The following CACNA2D3 variants were observed in gnomAD, a reference collection of about 807,000 sequenced individuals.
CACNA2D3 encodes the protein calcium voltage-gated channel auxiliary subunit alpha2delta 3.
Under a neutral mutation model 160.6 loss-of-function variants are expected in CACNA2D3, and 60 were observed. That is an observed-to-expected ratio of 0.37 (90% CI 0.30 to 0.46). The LOEUF is 0.46. CACNA2D3 is among the 20% of genes least tolerant of loss of function. The pLI is 1.00. For missense variants in CACNA2D3, 1,205 were observed against 1,365.0 expected (o/e 0.88, Z 1.85); for synonymous variants, 558 against 492.9 (o/e 1.13, Z -1.75).
At chr3:55,049,181 C>T (rs9682376) in intron 35 of CACNA2D3, among the ~76,000 whole-genome samples, 5,327 of 149,532 alleles carry the variant, frequency 0.036, 286 homozygotes, top group African/African-American at 0.11. Context: ...TCTAGTTCTT[C>T]TAATTGTGAT....
At position 55,072,989 on chromosome 3, in the gene CACNA2D3, A is replaced by ACTAT. The variant is rs539247538; in HGVS notation, c.2988-453_2988-450dup. Reference sequence around the variant, plus strand: ...GTATAAGGAAGGCTCTAAGAAGTTCACTATCTCTTTTGCCATTGGTATGAC... The same window carrying ACTAT: ...GTATAAGGAAGGCTCTAAGAAGTTCACTATCTATCTCTTTTGCCATTGGTATGAC... On this transcript the variant is annotated intron_variant, in intron 35 of 37. Transcript: ENST00000474759. 2.4e-3 allele frequency among the ~76,000 whole-genome samples: 373 copies of ACTAT among 152,344 alleles called. 3 individuals carry two copies. Among genetic ancestry groups the ACTAT allele is most frequent in the Middle Eastern group, 0.02 (6 of 294 alleles).
At chr3:54,521,437 A>G (rs1701644912) in intron 5 of CACNA2D3, among the ~76,000 whole-genome samples, 1 of 95,442 alleles carries the variant, frequency 1.0e-5, no homozygotes, top group Non-Finnish European at 2.4e-5. Context: ...TGTATTCCAG[A>G]TACAAGTCCC....
chr3:54,826,162 C>T (rs1315715492), intron 14 of CACNA2D3, among the ~76,000 whole-genome samples: 1 of 152,132 alleles, frequency 6.6e-6, no homozygotes, highest in Non-Finnish European at 1.5e-5. Context: ...GTTCAGCTGC[C>T]TGATGCTTTT....
intron 5 of CACNA2D3, among the ~76,000 whole-genome samples, chr3:54,504,361 G>A (rs958523955): frequency 6.6e-6 from 1 of 152,130 alleles, no homozygotes; most frequent in Non-Finnish European, 1.5e-5. Context: ...TGGTCAGACC[G>A]TGTTCTACTT....
intron 2 of CACNA2D3, among the ~76,000 whole-genome samples, chr3:54,222,239 G>A (rs187526188): frequency 3.3e-5 from 5 of 152,340 alleles, no homozygotes; most frequent in African/African-American, 4.8e-5. Flanking sequence ...AGCTGATGGT[G>A]TAGTTCCAGT....
intron 31 of CACNA2D3, among the ~76,000 whole-genome samples, chr3:55,004,444 C>G (rs1703045607): frequency 6.6e-6 from 1 of 152,042 alleles, no homozygotes; most frequent in African/African-American, 2.4e-5. Flanking sequence ...ACAGCACATT[C>G]CCTTTGGAAT....
intron 31 of CACNA2D3, among the ~76,000 whole-genome samples, chr3:54,999,284 T>C (rs1161771724): frequency 1.3e-5 from 2 of 152,166 alleles, no homozygotes; most frequent in Non-Finnish European, 2.9e-5. Context: ...TCTACTTTCC[T>C]GGCTTTCTGA....
At chr3:54,616,218 G>A (rs1036396312) in intron 9 of CACNA2D3, among the ~76,000 whole-genome samples, 1 of 152,228 alleles carries the variant, frequency 6.6e-6, no homozygotes, top group Non-Finnish European at 1.5e-5. Flanking sequence ...TAGTGAGGTT[G>A]CATTCAGGAT....
chr3:54,474,807 TGAG>T (rs1700800350), intron 4 of CACNA2D3, among the ~76,000 whole-genome samples: 2 of 152,118 alleles, frequency 1.3e-5, no homozygotes, highest in Admixed American at 6.6e-5. Flanking sequence ...CAAGTGAAGT[TGAG>T]TTCTCGGATA....
At chr3:55,067,928 G>A (rs1704701636) in intron 35 of CACNA2D3, among the ~76,000 whole-genome samples, 1 of 152,176 alleles carries the variant, frequency 6.6e-6, no homozygotes, top group African/African-American at 2.4e-5. Context: ...TAAAGCATAT[G>A]GCTAGAAGCA....
chr3:54,956,068 CCTT>C (rs1019141736), intron 27 of CACNA2D3, among the ~76,000 whole-genome samples: 4 of 152,326 alleles, frequency 2.6e-5, no homozygotes, highest in African/African-American at 9.6e-5. Context: ...TTCCCTGTCT[CCTT>C]CTCCCTCCCC....
intron 2 of CACNA2D3, among the ~76,000 whole-genome samples, chr3:54,247,307 C>T (rs2107417199): frequency 1.1e-5 from 1 of 91,636 alleles, no homozygotes; most frequent in East Asian, 2.7e-4. Context: ...GAGCACGACT[C>T]CATCTCAAAC....
chr3:54,404,904 T>A (rs1260049357), intron 4 of CACNA2D3, among the ~76,000 whole-genome samples: 6 of 151,942 alleles, frequency 3.9e-5, no homozygotes. Flanking sequence ...TACTTAAGAA[T>A]AAATTTTACC....
chr3:54,151,996 C>T (rs574095936), intron 2 of CACNA2D3, among the ~76,000 whole-genome samples: 2 of 152,344 alleles, frequency 1.3e-5, no homozygotes, highest in South Asian at 2.1e-4. Context: ...TTCTATGAAG[C>T]CTTTGCTAAG....
At chr3:54,193,984 G>A (rs1204188367) in intron 2 of CACNA2D3, among the ~76,000 whole-genome samples, 1 of 152,070 alleles carries the variant, frequency 6.6e-6, no homozygotes, top group Non-Finnish European at 1.5e-5. Flanking sequence ...AAAAACAAAT[G>A]TTGCATGTTC....
intron 13 of CACNA2D3, among the ~76,000 whole-genome samples, chr3:54,805,607 G>A (rs958762805): frequency 2.0e-5 from 3 of 152,110 alleles, no homozygotes; most frequent in African/African-American, 7.2e-5. Flanking sequence ...ATTCACAGCC[G>A]AATTCTACCA....
At chr3:54,742,216 C>T (rs1425564268) in intron 11 of CACNA2D3, among the ~76,000 whole-genome samples, 1 of 152,164 alleles carries the variant, frequency 6.6e-6, no homozygotes, top group Non-Finnish European at 1.5e-5. Flanking sequence ...CCCAGGAGTT[C>T]AAGACCAGCC....
At chr3:54,295,745 G>T (rs890701897) in intron 2 of CACNA2D3, among the ~76,000 whole-genome samples, 3 of 152,332 alleles carry the variant, frequency 2.0e-5, no homozygotes, top group Non-Finnish European at 4.4e-5. Context: ...ATGACTTTGA[G>T]TTGTGCCTGT....
intron 27 of CACNA2D3, among the ~76,000 whole-genome samples, chr3:54,909,477 C>G (rs1700513319): frequency 6.6e-6 from 1 of 152,052 alleles, no homozygotes; most frequent in South Asian, 2.1e-4. Flanking sequence ...GATAGATGAG[C>G]TGACATGAAT....
Sources: allele counts gnomAD v4.1 joint callset (sites outside exome capture counted in the v4.1 genomes callset), GRCh38; gene constraint gnomAD v4.1.1; transcripts MANE v1.5; gene names NCBI Gene and HGNC (gene_info 2026-07-23, HGNC 2026-07-21).